TBC1D22A: variants seen among roughly 807,000 people sequenced by gnomAD.
TBC1D22A encodes TBC1 domain family member 22A.
In TBC1D22A, 38 loss-of-function variants were observed where a neutral mutation model predicts 60.2. That is an observed-to-expected ratio of 0.63 (90% CI 0.49 to 0.83). TBC1D22A has a LOEUF of 0.83. Among genes scored for constraint, TBC1D22A ranks in the 40% least tolerant of loss-of-function variants. The probability of loss-of-function intolerance (pLI) is 0.00; values close to 1 mark genes in which losing one functional copy is unlikely to be tolerated. For synonymous variants in TBC1D22A, 302 were observed against 281.7 expected (o/e 1.07, Z -0.72); for missense variants, 628 against 701.0 (o/e 0.90, Z 1.18).
chr22:46,787,041 G>T (rs1482440648), intron 1 of TBC1D22A, among the ~76,000 whole-genome samples: 1 of 152,086 alleles, frequency 6.6e-6, no homozygotes, highest in Non-Finnish European at 1.5e-5. Flanking sequence ...CCTGCTCCTT[G>T]AGTAAGTTTC....
chr22:47,007,222 C>T (rs1427362616), intron 10 of TBC1D22A, among the ~76,000 whole-genome samples: 2 of 152,196 alleles, frequency 1.3e-5, no homozygotes, highest in African/African-American at 2.4e-5. Context: ...GGTTTGGGGC[C>T]ATCATGAGTA....
At chr22:47,096,543 C>T (rs141948590) in intron 11 of TBC1D22A, among the ~76,000 whole-genome samples, 356 of 152,198 alleles carry the variant, frequency 2.3e-3, no homozygotes, top group African/African-American at 8.1e-3. Context: ...CTTTGTTGGC[C>T]GGGCACGGTG....
intron 7 of TBC1D22A, 95 bp downstream of exon 7, chr22:46,894,941 C>A: frequency 1.4e-6 from 2 of 1,399,088 alleles, no homozygotes; most frequent in Non-Finnish European, 2.0e-6. Context: ...GGTGCTTCAC[C>A]CAGAAGCAAG....
intron 5 of TBC1D22A, among the ~76,000 whole-genome samples, chr22:46,881,717 A>G (rs1259196429): frequency 6.6e-6 from 1 of 152,178 alleles, no homozygotes; most frequent in Non-Finnish European, 1.5e-5. Flanking sequence ...TGAGGGGCCA[A>G]AGGCTACAGG....
At chr22:47,162,353 G>A (rs1048755705) in intron 12 of TBC1D22A, among the ~76,000 whole-genome samples, 3 of 152,150 alleles carry the variant, frequency 2.0e-5, no homozygotes, top group East Asian at 1.9e-4. Context: ...CACTTTGTGC[G>A]TTCAATCTCA....
chr22:47,043,572 T>G (rs1477052536), intron 11 of TBC1D22A, among the ~76,000 whole-genome samples: 1 of 152,094 alleles, frequency 6.6e-6, no homozygotes, highest in Non-Finnish European at 1.5e-5. Context: ...TGCCCAGGTG[T>G]GCTGAGGACG....
Position 46,777,508 on chromosome 22 carries a change from T to G in TBC1D22A, c.62+14660T>G, listed in dbSNP as rs1438845090. Among the ~76,000 whole-genome samples, 4 of 151,966 alleles carry G rather than the reference T, an allele frequency of 2.6e-5. No homozygotes were observed. Among genetic ancestry groups the G allele is most frequent in the Non-Finnish European group, 4.4e-5 (3 of 68,004 alleles). ...TTGGAGGCACGTGTTTGAGAACCGTTTACTCGGGTGGAGGAGGTCAGGAGA... is the reference window on the plus strand; with the variant it reads ...TTGGAGGCACGTGTTTGAGAACCGTGTACTCGGGTGGAGGAGGTCAGGAGA... On this transcript the variant is annotated intron_variant, in intron 1 of 12. Transcript: ENST00000337137. The surrounding 1 kb of genome is among the most constrained non-coding windows in gnomAD (Gnocchi z 4.5).
At chr22:46,996,506 A>G (rs1013649791) in intron 9 of TBC1D22A, among the ~76,000 whole-genome samples, 4 of 152,258 alleles carry the variant, frequency 2.6e-5, no homozygotes, top group African/African-American at 9.6e-5. Flanking sequence ...TTCCACCTGC[A>G]ACCCTGGTTC....
intron 4 of TBC1D22A, among the ~76,000 whole-genome samples, chr22:46,815,898 G>A (rs1395992698): frequency 1.3e-5 from 2 of 152,150 alleles, no homozygotes; most frequent in Admixed American, 1.3e-4. Context: ...GTGGGTCGGG[G>A]GTGAGTGGAG....
chr22:46,941,825 A>ATGTG (rs1569249830), intron 8 of TBC1D22A, among the ~76,000 whole-genome samples: 1 of 97,974 alleles, frequency 1.0e-5, no homozygotes, highest in Non-Finnish European at 2.1e-5. Context: ...TATATAGAAT[A>ATGTG]TATAGAATAA....
In TBC1D22A at chr22:47,174,965, G is replaced by C; in HGVS notation, c.*1339G>C. 1 of 152,214 alleles carries C rather than the reference G, an allele frequency of 6.6e-6. No homozygotes were observed. Among genetic ancestry groups the C allele is most frequent in the East Asian group, 1.9e-4 (1 of 5,192 alleles). The allele number at this position is 152,214 out of a possible 1,614,324, so 9.4% of individuals were successfully genotyped here. ...GCGGGCAGGGCCACAGCCACAGTCTGTCTGATCCCTGAGCCCAGGACAGGC... is the reference window on the plus strand; with the variant it reads ...GCGGGCAGGGCCACAGCCACAGTCTCTCTGATCCCTGAGCCCAGGACAGGC... On this transcript the variant is annotated 3_prime_UTR_variant, in exon 13 of 13. Coordinates refer to ENST00000337137, the MANE Select transcript of TBC1D22A (RefSeq NM_014346.5).
chr22:47,133,894 C>G (rs1030370487), intron 12 of TBC1D22A, among the ~76,000 whole-genome samples: 2 of 152,230 alleles, frequency 1.3e-5, no homozygotes, highest in Non-Finnish European at 2.9e-5. Context: ...CTGTCTCTCT[C>G]TCTCTCTCTC....
At chr22:47,064,306 G>A (rs181013115) in intron 11 of TBC1D22A, among the ~76,000 whole-genome samples, 14 of 152,252 alleles carry the variant, frequency 9.2e-5, no homozygotes, top group African/African-American at 2.2e-4. Context: ...CGGTCATGCC[G>A]CTCTAAGCCA....
At chr22:47,104,661 C>T (rs957360118) in intron 11 of TBC1D22A, among the ~76,000 whole-genome samples, 4 of 149,312 alleles carry the variant, frequency 2.7e-5, no homozygotes, top group African/African-American at 9.9e-5. Flanking sequence ...CACCATTGCA[C>T]TCCAGCCTGG....
intron 10 of TBC1D22A, among the ~76,000 whole-genome samples, chr22:47,008,663 G>A (rs2061659156): frequency 6.6e-6 from 1 of 152,240 alleles, no homozygotes. Flanking sequence ...GCTGCATCTG[G>A]AAGGCAGCCT....
In TBC1D22A at chr22:46,921,924, G is replaced by A. The variant is rs184093365; in HGVS notation, c.1015+9736G>A. On this transcript the variant is annotated intron_variant, in intron 8 of 12. Coordinates refer to ENST00000337137, the MANE Select transcript of TBC1D22A (RefSeq NM_014346.5). ...GTCCCATTTGTTAATTTTTGTTTTT[G>A]TTGCAATTGCTTTTGACATCTTGGT... is the stretch of plus-strand genomic sequence containing the variant. Among the ~76,000 whole-genome samples the A allele has an allele frequency of 3.8e-3, 581 of 152,184 alleles. 6 individuals carry two copies. Among genetic ancestry groups the A allele is most frequent in the African/African-American group, 0.013 (530 of 41,534 alleles).
chr22:46,968,432 C>T (rs1170717439), intron 8 of TBC1D22A, among the ~76,000 whole-genome samples: 2 of 152,218 alleles, frequency 1.3e-5, no homozygotes, highest in Admixed American at 6.5e-5. Context: ...TGCGCCCCCA[C>T]GCAGAAAGTC....
At chr22:47,135,244 TC>T (rs2066821963) in intron 12 of TBC1D22A, among the ~76,000 whole-genome samples, 1 of 152,138 alleles carries the variant, frequency 6.6e-6, no homozygotes, top group African/African-American at 2.4e-5. Flanking sequence ...CTTCCCGTCA[TC>T]CCAGTTAATC....
chr22:46,881,069 C>T (rs1297390852), intron 5 of TBC1D22A, among the ~76,000 whole-genome samples: 1 of 151,848 alleles, frequency 6.6e-6, no homozygotes, highest in African/African-American at 2.4e-5. Flanking sequence ...AGGGGTGGGA[C>T]AAGCAGGAAC....
Sources: gnomAD v4.1 joint callset for allele counts (sites outside exome capture counted in the v4.1 genomes callset) on GRCh38, gnomAD v4.1.1 for gene constraint, Gnocchi (gnomAD v3.1) non-coding constraint, MANE v1.5 for transcripts, NCBI Gene and HGNC (gene_info 2026-07-23, HGNC 2026-07-21) for gene names.